The following WASHC2A variants were observed in gnomAD, a reference collection of about 807,000 sequenced individuals.
The protein encoded by WASHC2A is WASH complex subunit 2A, also known as WASH complex subunit FAM21A.
A neutral mutation model predicts 140.3 loss-of-function variants in WASHC2A; 82 were observed. The observed-to-expected ratio is 0.58, with a 90% CI of 0.49 to 0.70. WASHC2A has a LOEUF of 0.70. WASHC2A is among the 30% of genes least tolerant of loss of function. The pLI, the probability that WASHC2A is intolerant of heterozygous loss-of-function variation, is 0.00. For missense variants in WASHC2A, 985 were observed against 1,521.8 expected, an observed-to-expected ratio of 0.65 and a Z score of 5.87; for synonymous variants, 340 against 560.8, an observed-to-expected ratio of 0.61 and a Z score of 5.56.
At chr10:50,113,609 C>T (rs1208305719) in intron 20 of WASHC2A, among the ~76,000 whole-genome samples, 2 of 149,460 alleles carry the variant, frequency 1.3e-5, no homozygotes, top group Admixed American at 6.7e-5. Context: ...GCTCAGGCAT[C>T]GTGTGCCTTG....
chr10:50,115,423 C>G lies in WASHC2A; in HGVS notation c.2142+1426C>G, dbSNP rs1206887449. Among the ~76,000 whole-genome samples the G allele has an allele frequency of 1.8e-5, 2 of 108,906 alleles. 1 individual carries two copies. The highest frequency in any genetic ancestry group is 3.9e-5 in the Non-Finnish European group (2 of 50,820). 71.4% of individuals were successfully genotyped at this position (108,906 alleles called of 152,430 possible). On this transcript the variant is annotated intron_variant, in intron 21 of 30. Transcript: ENST00000282633. ...CCAGAGTGGGCCACACGAGACACAG[C>G]ATTTATACATTTCTGTTATATAGAA... is the stretch of plus-strand genomic sequence containing the variant.
At position 50,092,230 on chromosome 10, in the gene WASHC2A, G is replaced by A; in HGVS notation, c.1000G>A (p.Asp334Asn). Residue 334 changes from aspartate to asparagine, a missense_variant, in exon 11 of 31, where the codon GAC becomes AAC. By Grantham distance (23) the Asp-to-Asn change is conservative. Transcript: ENST00000282633. ...KEKKERRTPS[D>N]DEEDNLFAPP... ...GAAGAAGGAAAGGAGAACTCCTTCA[G>A]ACGGTGGGCCTTTTCCCTCAATTCT... The A allele has an allele frequency of 6.4e-7, 1 of 1,568,976 alleles. No individual in the cohort carries two copies. The highest frequency in any genetic ancestry group is 2.3e-5 in the East Asian group (1 of 44,244).
Position 50,127,734 on chromosome 10 carries a change from G to A in WASHC2A, c.3026G>A (p.Gly1009Glu). Reference sequence around the variant, plus strand: ...AGTGTGCCTGTCCTTCCCGGGAGTGGGGAGGCCGGTGTGAGTTTTGATCTT... The same window carrying A: ...AGTGTGCCTGTCCTTCCCGGGAGTGAGGAGGCCGGTGTGAGTTTTGATCTT... ...LESVPVLPGS[G>E]EAGVSFDLPA... is the part of the protein sequence containing the mutation. Residue 1009 changes from glycine (G) to glutamate (E), a missense_variant, in exon 28 of 31, where the codon GGG (glycine) becomes GAG (glutamate). Physicochemically the swap from Gly to Glu is moderately conservative, Grantham distance 98. Transcript: ENST00000282633. The A allele has an allele frequency of 1.3e-6, 2 of 1,561,140 alleles. No individual in the cohort carries two copies. Among genetic ancestry groups the A allele is most frequent in the Admixed American group, 1.9e-5 (1 of 53,574 alleles).
At chr10:50,079,689 G>T (rs1322087991) in intron 4 of WASHC2A, among the ~76,000 whole-genome samples, 1 of 152,230 alleles carries the variant, frequency 6.6e-6, no homozygotes, top group African/African-American at 2.4e-5. Context: ...GTGAGCTACT[G>T]TGCCCAGCAG....
At position 50,131,012 on chromosome 10, in the gene WASHC2A, A is replaced by G; in HGVS notation, c.3820A>G (p.Thr1274Ala). 6.2e-7 allele frequency: 1 copy of G among 1,610,808 alleles called. No individual in the cohort carries two copies. The highest frequency in any genetic ancestry group is 8.5e-7 in the Non-Finnish European group (1 of 1,179,108). ...DDNIDIFADL[T>A]VKPKEKSKKK... ...TAACATTGATATCTTTGCTGACTTA[A>G]CTGTAAAACCAAAAGAAAAGTCCAA... The change falls in exon 30 of 31, where the codon ACT (threonine) becomes GCT (alanine). Residue 1274 changes from threonine (T) to alanine (A), a missense_variant. By Grantham distance (58) the Thr-to-Ala change is moderately conservative. Transcript: ENST00000282633.
In WASHC2A at chr10:50,129,481, T is replaced by C; in HGVS notation, c.3150T>C (p.Ala1050=). 1 of 1,612,026 alleles carries C rather than the reference T, an allele frequency of 6.2e-7. No homozygotes were observed. Among genetic ancestry groups the C allele is most frequent in the Non-Finnish European group, 8.5e-7 (1 of 1,179,858 alleles). ...CCCGTGCAGCTAGGCGGCTGGCTGC[T>C]CAGGAGTCCAGCGAGACTGAGGACA... ...PQTRAARRLA[A]QESSETEDMS... Residue 1050 remains alanine (A), a synonymous_variant, in exon 29 of 31, where the codon GCT becomes GCC. Coordinates refer to ENST00000282633, the MANE Select transcript of WASHC2A (RefSeq NM_001005751.3).
Position 50,133,488 on chromosome 10 carries a change from A to T in WASHC2A, c.*543A>T, listed in dbSNP as rs1844157047. On this transcript the variant is annotated 3_prime_UTR_variant, in exon 31 of 31. Coordinates refer to ENST00000282633, the MANE Select transcript of WASHC2A (RefSeq NM_001005751.3). ...CCCACTGTCATATTTTGTTAATAAA[A>T]TTTTATTGGAACACAACCACATTCA... The T allele has an allele frequency of 4.3e-6, 2 of 469,074 alleles. No homozygotes were observed. Among genetic ancestry groups the T allele is most frequent in the African/African-American group, 4.0e-5 (2 of 50,002 alleles). 29.1% of individuals were successfully genotyped at this position (469,074 alleles called of 1,614,324 possible). A position where few individuals can be genotyped will look rare whatever the true frequency, so the allele number is the denominator to read the frequency against.
At chr10:50,112,689 A>G (rs1297779037) in intron 20 of WASHC2A, among the ~76,000 whole-genome samples, 1 of 151,590 alleles carries the variant, frequency 6.6e-6, no homozygotes, top group Non-Finnish European at 1.5e-5. Context: ...AACAAAATGT[A>G]TAACCATACG....
chr10:50,087,442 A>G, intron 8 of WASHC2A, 120 bp downstream of exon 8: 1 of 1,342,680 alleles, frequency 7.4e-7, no homozygotes, highest in Middle Eastern at 1.9e-4. Flanking sequence ...TATACAATTT[A>G]TTTTCCTTTA....
chr10:50,071,596 C>T (rs1305277109), intron 3 of WASHC2A, among the ~76,000 whole-genome samples: 4 of 151,380 alleles, frequency 2.6e-5, no homozygotes, highest in African/African-American at 4.9e-5. Flanking sequence ...TGAGCCACGG[C>T]GCCCGGCAAG....
intron 17 of WASHC2A, 69 bp downstream of exon 17, chr10:50,100,133 AG>A (rs1322513715): frequency 1.9e-5 from 26 of 1,383,958 alleles, no homozygotes; most frequent in Middle Eastern, 2.6e-4. Context: ...TTTTTGAATC[AG>A]GTTTTTCTCA....
chr10:50,099,567 CT>C (rs2132673552), intron 16 of WASHC2A, among the ~76,000 whole-genome samples: 1 of 150,856 alleles, frequency 6.6e-6, no homozygotes, highest in Non-Finnish European at 1.5e-5. Context: ...TGACCTTTCA[CT>C]GCTGTCCTGT....
In WASHC2A at chr10:50,127,601, C is replaced by G; in HGVS notation, c.2893C>G (p.Pro965Ala). The G allele has an allele frequency of 5.0e-6, 8 of 1,609,592 alleles. No individual in the cohort carries two copies. Among genetic ancestry groups the G allele is most frequent in the Non-Finnish European group, 6.8e-6 (8 of 1,178,786 alleles). Residue 965 changes from proline (P) to alanine (A), a missense_variant, in exon 28 of 31, where the codon CCA becomes GCA. By Grantham distance (27) the Pro-to-Ala change is conservative. Coordinates refer to ENST00000282633, the MANE Select transcript of WASHC2A (RefSeq NM_001005751.3). ...TCTTTAGGCAAATTTAGCGATCAACCCAGCGGCCTTGCTGCCCACAGCGGC... is the reference window on the plus strand; with the variant it reads ...TCTTTAGGCAAATTTAGCGATCAACGCAGCGGCCTTGCTGCCCACAGCGGC... ...GKIQANLAIN[P>A]AALLPTAASQ...
chr10:50,132,141 A>G (rs1393345156), intron 30 of WASHC2A, among the ~76,000 whole-genome samples: 1 of 152,236 alleles, frequency 6.6e-6, no homozygotes, highest in Non-Finnish European at 1.5e-5. Context: ...GTATTTAGCC[A>G]TTAGCCTGTT....
chr10:50,075,746 CTGTT>C (rs1388863896), intron 3 of WASHC2A, among the ~76,000 whole-genome samples: 3 of 151,782 alleles, frequency 2.0e-5, no homozygotes, highest in East Asian at 1.9e-4. Flanking sequence ...CTGCCCTCTG[CTGTT>C]TGTTTTGTTT....
intron 11 of WASHC2A, among the ~76,000 whole-genome samples, chr10:50,092,977 C>T (rs1340021797): frequency 0.011 from 1,055 of 92,590 alleles, 21 homozygotes; most frequent in African/African-American, 0.036. Context: ...GCGTCTGACC[C>T]GAATGCTTGC....
intron 20 of WASHC2A, chr10:50,112,029 A>G (rs1446867903): frequency 2.0e-6 from 2 of 984,964 alleles, no homozygotes; most frequent in African/African-American, 1.7e-5. Flanking sequence ...CTCCATCTCA[A>G]AAAAAAAGGC....
chr10:50,073,234 A>AT (rs1400782216), intron 3 of WASHC2A, among the ~76,000 whole-genome samples: 16 of 151,972 alleles, frequency 1.1e-4, no homozygotes, highest in Admixed American at 3.3e-4. Context: ...GTGAGGGAGG[A>AT]TTTTTTCTTT....
At chr10:50,132,567 CAT>C (rs1844074852) in intron 30 of WASHC2A, among the ~76,000 whole-genome samples, 1 of 152,226 alleles carries the variant, frequency 6.6e-6, no homozygotes, top group South Asian at 2.1e-4. Flanking sequence ...TACACACGCA[CAT>C]ACATACACTT....
Sources: gnomAD v4.1 joint callset for allele counts (sites outside exome capture counted in the v4.1 genomes callset) on GRCh38, gnomAD v4.1.1 for gene constraint, MANE v1.5 for transcripts, NCBI Gene and HGNC (gene_info 2026-07-23, HGNC 2026-07-21) for gene names.